The following L3MBTL4 variants were observed in gnomAD, a reference collection of about 807,000 sequenced individuals.
L3MBTL4 encodes the protein L3MBTL histone methyl-lysine binding protein 4.
A neutral mutation model predicts 84.5 loss-of-function variants in L3MBTL4; 70 were observed. The ratio of observed to expected loss-of-function variants is 0.83; its 90% CI spans 0.68 to 1.01. The LOEUF is 1.01. L3MBTL4 is among the 50% of genes least tolerant of loss of function. L3MBTL4 has a pLI of 0.00. For missense variants in L3MBTL4, 715 were observed against 754.8 expected (o/e 0.95, Z 0.62); for synonymous variants, 274 against 259.8 (o/e 1.05, Z -0.52).
intron 1 of L3MBTL4, among the ~76,000 whole-genome samples, chr18:6,372,601 G>T (rs1026043429): frequency 6.6e-6 from 1 of 152,002 alleles, no homozygotes; most frequent in Non-Finnish European, 1.5e-5. Flanking sequence ...GAAAGCTCCT[G>T]GTCTTGCACA....
intron 11 of L3MBTL4, among the ~76,000 whole-genome samples, chr18:6,215,425 G>A (rs2046282700): frequency 6.6e-6 from 1 of 152,156 alleles, no homozygotes; most frequent in African/African-American, 2.4e-5. Context: ...GAGTGGTACT[G>A]TGAAAATTCA....
chr18:6,163,768 GGAA>G (rs1252511298), intron 13 of L3MBTL4, among the ~76,000 whole-genome samples: 17 of 152,202 alleles, frequency 1.1e-4, no homozygotes, highest in African/African-American at 4.1e-4. Flanking sequence ...GCAGAAGACA[GGAA>G]ATTTCTGCAT....
At chr18:6,238,162 G>T in intron 9 of L3MBTL4, 122 bp from the exon 10 acceptor site, 1 of 818,406 alleles carries the variant, frequency 1.2e-6, no homozygotes, top group Non-Finnish European at 2.1e-6. Flanking sequence ...TAGCTGGAGA[G>T]AATTAGAAGG....
At chr18:6,231,517 A>G (rs1345338979) in intron 10 of L3MBTL4, among the ~76,000 whole-genome samples, 1 of 151,078 alleles carries the variant, frequency 6.6e-6, no homozygotes, top group Non-Finnish European at 1.5e-5. Context: ...GGGATGCCTT[A>G]ACAATATCAC....
chr18:6,188,013 AT>A, intron 12 of L3MBTL4, among the ~76,000 whole-genome samples: 1 of 151,962 alleles, frequency 6.6e-6, no homozygotes, highest in South Asian at 2.1e-4. Flanking sequence ...AAAAAAAAAA[AT>A]CATTGTTGTC....
intron 1 of L3MBTL4, among the ~76,000 whole-genome samples, chr18:6,394,237 T>C (rs184144594): frequency 1.3e-5 from 2 of 151,976 alleles, no homozygotes; most frequent in Non-Finnish European, 2.9e-5. Context: ...GGAGACCGAG[T>C]TGGGCAGATC....
intron 10 of L3MBTL4, among the ~76,000 whole-genome samples, chr18:6,235,801 AT>A (rs1289765599): frequency 1.3e-5 from 2 of 152,340 alleles, no homozygotes; most frequent in East Asian, 3.9e-4. Context: ...ATACCACCAA[AT>A]TGCACACTTT....
Position 5,987,844 on chromosome 18 carries a change from C to T in L3MBTL4, c.1445-18282G>A, listed in dbSNP as rs1370157385. On this transcript the variant is annotated intron_variant, in intron 16 of 18. Coordinates refer to ENST00000317931, the MANE Select transcript of L3MBTL4 (RefSeq NM_001330559.2). Reference sequence around the variant, plus strand: ...CAATATTTTCTCTGGCAAGAGATTGCTTGCTGTCTTTGCATGTAGTTTCAT... The same window carrying T: ...CAATATTTTCTCTGGCAAGAGATTGTTTGCTGTCTTTGCATGTAGTTTCAT... 2.6e-5 allele frequency among the ~76,000 whole-genome samples: 4 copies of T among 151,956 alleles called. No homozygotes were observed. In the East Asian group the frequency reaches 7.7e-4, roughly 29 times the overall value.
intron 14 of L3MBTL4, among the ~76,000 whole-genome samples, chr18:6,119,264 A>T (rs1200913935): frequency 2.0e-5 from 3 of 152,144 alleles, no homozygotes; most frequent in Admixed American, 1.3e-4. Context: ...CTCTGTGAAC[A>T]AAAATTAGGA....
chr18:6,215,606 A>C, intron 11 of L3MBTL4, 144 bp downstream of exon 11: 1 of 463,192 alleles, frequency 2.2e-6, no homozygotes, highest in South Asian at 5.5e-5. Flanking sequence ...TTGTATTTTT[A>C]ACTAAAAGAA....
At chr18:6,180,827 A>T (rs926209157) in intron 12 of L3MBTL4, among the ~76,000 whole-genome samples, 8 of 152,206 alleles carry the variant, frequency 5.3e-5, no homozygotes, top group Admixed American at 3.9e-4. Flanking sequence ...CCATGCTTGT[A>T]TGCCAATGTT....
At chr18:6,159,222 A>G (rs893752936) in intron 13 of L3MBTL4, among the ~76,000 whole-genome samples, 2 of 152,150 alleles carry the variant, frequency 1.3e-5, no homozygotes, top group Non-Finnish European at 2.9e-5. Flanking sequence ...GCCTCGCCCC[A>G]GGTTGGGACC....
chr18:6,342,874 T>A (rs1347528181), intron 1 of L3MBTL4, among the ~76,000 whole-genome samples: 1 of 150,598 alleles, frequency 6.6e-6, no homozygotes, highest in Admixed American at 6.6e-5. Flanking sequence ...AGGCTGAAAG[T>A]AAAAGGACAG....
At chr18:6,052,070 T>C (rs2145815529) in intron 16 of L3MBTL4, among the ~76,000 whole-genome samples, 1 of 152,346 alleles carries the variant, frequency 6.6e-6, no homozygotes, top group Non-Finnish European at 1.5e-5. Flanking sequence ...AGTGAGAACA[T>C]TTCTACTTTA....
intron 5 of L3MBTL4, among the ~76,000 whole-genome samples, chr18:6,249,694 A>C (rs965843446): frequency 1.3e-5 from 2 of 152,148 alleles, no homozygotes; most frequent in Non-Finnish European, 2.9e-5. Flanking sequence ...GGTTTTAAAA[A>C]TTTTTTCCTT....
Position 6,003,896 on chromosome 18 carries a change from T to C in L3MBTL4, c.1445-34334A>G, listed in dbSNP as rs142996204. ...TAAACAATGATAAGAGGCAGATTTA[T>C]AGCTGTAAATGCTTACATTAGAAAA... On this transcript the variant is annotated intron_variant, in intron 16 of 18. Transcript: ENST00000317931. 2.8e-3 allele frequency among the ~76,000 whole-genome samples: 429 copies of C among 152,200 alleles called. 1 individual carries two copies. The highest frequency in any genetic ancestry group is 0.01 in the African/African-American group (416 of 41,554).
intron 1 of L3MBTL4, among the ~76,000 whole-genome samples, chr18:6,379,908 GT>G (rs1284396473): frequency 1.3e-5 from 2 of 152,156 alleles, no homozygotes; most frequent in African/African-American, 4.8e-5. Context: ...GCTCCTCCTT[GT>G]ACCTCTGGTA....
At chr18:6,120,231 C>T (rs143080836) in intron 14 of L3MBTL4, among the ~76,000 whole-genome samples, 2 of 152,332 alleles carry the variant, frequency 1.3e-5, no homozygotes, top group East Asian at 3.9e-4. Flanking sequence ...CGACCACGTG[C>T]CTCCTAAGGT....
intron 12 of L3MBTL4, among the ~76,000 whole-genome samples, chr18:6,177,809 A>G (rs986797959): frequency 3.9e-5 from 6 of 152,182 alleles, no homozygotes; most frequent in Admixed American, 3.9e-4. Context: ...TTTTGGAATG[A>G]TGCCTCCTGC....
Sources: gnomAD v4.1 joint callset for allele counts (sites outside exome capture counted in the v4.1 genomes callset) on GRCh38, gnomAD v4.1.1 for gene constraint, MANE v1.5 for transcripts, NCBI Gene and HGNC (gene_info 2026-07-23, HGNC 2026-07-21) for gene names.